SLC2A11: variants seen among roughly 807,000 people sequenced by gnomAD.
The protein encoded by SLC2A11 is solute carrier family 2, facilitated glucose transporter member 11.
SLC2A11 carries 43 observed loss-of-function variants against 52.1 expected under a neutral mutation model. The ratio of observed to expected loss-of-function variants is 0.82; its 90% CI spans 0.65 to 1.06. SLC2A11 has a LOEUF of 1.06. Among genes scored for constraint, SLC2A11 ranks in the 50% least tolerant of loss-of-function variants. The pLI, the probability that SLC2A11 is intolerant of heterozygous loss-of-function variation, is 0.00. For missense variants in SLC2A11, 582 were observed against 654.2 expected (o/e 0.89, Z 1.20); for synonymous variants, 261 against 277.6 (o/e 0.94, Z 0.59).
chr22:23,859,697 C>T (rs2031983254), intron 1 of SLC2A11, among the ~76,000 whole-genome samples: 1 of 152,192 alleles, frequency 6.6e-6, no homozygotes, highest in Non-Finnish European at 1.5e-5. Flanking sequence ...CCATGTTGGC[C>T]AGGCTGGTCT....
At chr22:23,863,356 T>G (rs947690257) in intron 2 of SLC2A11, among the ~76,000 whole-genome samples, 2 of 152,206 alleles carry the variant, frequency 1.3e-5, no homozygotes, top group Admixed American at 6.5e-5. Context: ...CTGAGTCATC[T>G]TTGAATCTCT....
chr22:23,858,315 A>G (rs998654800), intron 1 of SLC2A11, among the ~76,000 whole-genome samples: 3 of 152,140 alleles, frequency 2.0e-5, no homozygotes, highest in Non-Finnish European at 4.4e-5. Flanking sequence ...CAGAGGCAGT[A>G]AGCCCTCCGA....
At position 23,884,792 on chromosome 22, in the gene SLC2A11, G is replaced by A. The variant is rs2032946767; in HGVS notation, c.1443G>A (p.Arg481=). Residue 481 remains arginine (R), a synonymous_variant, in exon 12 of 12, where the codon AGG becomes AGA. Transcript: ENST00000316185. The surrounding 1 kb of genome is among the most constrained non-coding windows in gnomAD (Gnocchi z 4.3). ...SKELHRLNFP[R]RAQGPTWRSL... ...AATTACACAGACTCAACTTCCCCAG[G>A]CGGGCCCAGGGCCCCACGTGGAGGA... The A allele has an allele frequency of 6.2e-7, 1 of 1,614,010 alleles. No homozygotes were observed. Among genetic ancestry groups the A allele is most frequent in the African/African-American group, 1.3e-5 (1 of 74,896 alleles).
intron 3 of SLC2A11, chr22:23,873,376 AATTTATTTATT>A (rs2032521134): frequency 6.7e-6 from 1 of 148,284 alleles, no homozygotes; most frequent in South Asian, 2.1e-4. Context: ...CAAGACCTTG[AATTTATTTATT>A]ATTTATTTAT....
At chr22:23,876,900 G>C (rs995758643) in intron 4 of SLC2A11, 142 bp from the exon 5 acceptor site, 4 of 1,303,712 alleles carry the variant, frequency 3.1e-6, no homozygotes, top group East Asian at 2.3e-5. Flanking sequence ...CCCTGAGTGT[G>C]GGGGGTGAGG....
chr22:23,875,384 G>A (rs2032585832), intron 4 of SLC2A11, 143 bp downstream of exon 4: 1 of 1,029,478 alleles, frequency 9.7e-7, no homozygotes, highest in Non-Finnish European at 1.3e-6. Context: ...TGTCACAAAA[G>A]GATGTAGTAT....
At chr22:23,876,899 TG>T in intron 4 of SLC2A11, 142 bp from the exon 5 acceptor site, 6 of 1,300,800 alleles carry the variant, frequency 4.6e-6, no homozygotes, top group Admixed American at 1.9e-5. Flanking sequence ...CCCCTGAGTG[TG>T]GGGGGTGAGG....
chr22:23,867,926 G>C, intron 2 of SLC2A11: 1 of 331,872 alleles, frequency 3.0e-6, no homozygotes, highest in Non-Finnish European at 6.3e-6. Context: ...CCTGAGTTTC[G>C]TGAGCCATTG....
rs902578472 is a variant in SLC2A11, at chr22:23,861,993, A to G, written c.31-111A>G. 5 of 877,766 alleles carry G rather than the reference A, an allele frequency of 5.7e-6. No homozygotes were observed. In the African/African-American group the frequency reaches 6.6e-5, roughly 12 times the overall value. The allele number at this position is 877,766 out of a possible 1,614,324, so 54.4% of individuals were successfully genotyped here. A position where few individuals can be genotyped will look rare whatever the true frequency, so the allele number is the denominator to read the frequency against. On this transcript the variant is annotated intron_variant, in intron 1 of 11. Transcript: ENST00000316185. The stretch of plus-strand genomic sequence containing the variant: ...CTCACTTTCCTCATCTGCAAAGTGG[A>G]GACATCACTGCCTGATTCAAATAAA...
intron 3 of SLC2A11, 37 bp from the exon 4 acceptor site, chr22:23,875,080 C>A: frequency 6.6e-7 from 1 of 1,513,990 alleles, no homozygotes; most frequent in South Asian, 1.3e-5. Flanking sequence ...TGGACTGAAT[C>A]ACAGCCTCTC....
intron 5 of SLC2A11, chr22:23,877,510 G>A (rs939946504): frequency 7.7e-6 from 6 of 780,102 alleles, no homozygotes; most frequent in South Asian, 5.9e-5. Flanking sequence ...GGGAAGAGGA[G>A]TTGCTAGGGA....
Position 23,880,338 on chromosome 22 carries a change from C to G in SLC2A11, c.695-2121C>G, listed in dbSNP as rs1490697889. 2.0e-5 allele frequency: 3 copies of G among 150,800 alleles called. No individual in the cohort carries two copies. In the East Asian group the frequency reaches 5.9e-4, roughly 29 times the overall value. The allele number at this position is 150,800 out of a possible 1,614,324, so 9.3% of individuals were successfully genotyped here. ...TCTTTATATTTCAAATTGTCCTGGT[C>G]TTTTTTTTGTCCAAACTGGCAGAGC... On this transcript the variant is annotated intron_variant, in intron 6 of 11. Transcript: ENST00000316185.
rs1267018069 is a variant in SLC2A11 at position 23,884,844 on chromosome 22, C to G, written c.1495C>G (p.Leu499Val). The change falls in exon 12 of 12, where the codon CTC becomes GTC. Residue 499 changes from leucine to valine, a missense_variant. Transcript: ENST00000316185. This position sits in a 1 kb window ranked among gnomAD's most constrained non-coding sequence, Gnocchi z 4.3. ...CCTGGAGGTTATCCAGTCAACAGAA[C>G]TCTAGTCCCAAAGGGGTGGCCAGAG... ...RSLEVIQSTE[L>V] 6.2e-7 allele frequency: 1 copy of G among 1,613,942 alleles called. No individual in the cohort carries two copies. The highest frequency in any genetic ancestry group is 1.3e-5 in the African/African-American group (1 of 74,904).
intron 6 of SLC2A11, 42 bp downstream of exon 6, chr22:23,877,911 G>C: frequency 6.3e-7 from 1 of 1,577,482 alleles, no homozygotes; most frequent in Middle Eastern, 1.7e-4. Context: ...CCTTGACCAA[G>C]GGATGCATCT....
rs562100323 is a variant in SLC2A11 at position 23,877,822 on chromosome 22, C to T, written c.647C>T (p.Pro216Leu). ...LASLPLLPES[P>L]RYLLIDCGDT... Reference sequence around the variant, plus strand: ...TCCCTGCCTCTGCTCCCTGAAAGCCCGCGCTACCTCCTCATTGACTGTGGA... The same window carrying T: ...TCCCTGCCTCTGCTCCCTGAAAGCCTGCGCTACCTCCTCATTGACTGTGGA... Residue 216 changes from proline to leucine, a missense_variant, in exon 6 of 12, where the codon CCG (proline) becomes CTG (leucine). Pro to Leu is a moderately conservative substitution (Grantham distance 98, BLOSUM62 -3). Transcript: ENST00000316185. The T allele has an allele frequency of 2.3e-5, 37 of 1,613,462 alleles. No individual in the cohort carries two copies. The highest frequency in any genetic ancestry group is 1.7e-4 in the Middle Eastern group (1 of 6,060).
chr22:23,868,734 A>C, intron 3 of SLC2A11, 93 bp downstream of exon 3: 1 of 1,481,860 alleles, frequency 6.7e-7, no homozygotes, highest in Non-Finnish European at 9.2e-7. Context: ...GAGGCCCGGC[A>C]AGCTCCAGGC....
chr22:23,880,634 G>A (rs570364388), intron 6 of SLC2A11: 1 of 152,310 alleles, frequency 6.6e-6, no homozygotes, highest in South Asian at 2.1e-4. Context: ...CTTCCTGGCA[G>A]TGCTCTGGAT....
At chr22:23,864,175 G>A (rs533554562) in intron 2 of SLC2A11, among the ~76,000 whole-genome samples, 32 of 152,266 alleles carry the variant, frequency 2.1e-4, no homozygotes, top group African/African-American at 7.5e-4. Context: ...AAGGGCTGTA[G>A]TTGACCATCG....
At chr22:23,865,627 A>G (rs2032235266) in intron 2 of SLC2A11, 1 of 152,268 alleles carries the variant, frequency 6.6e-6, no homozygotes, top group African/African-American at 2.4e-5. Flanking sequence ...CACAATGACT[A>G]AGAGGATCAT....
Sources: allele counts gnomAD v4.1 joint callset (sites outside exome capture counted in the v4.1 genomes callset), GRCh38; gene constraint gnomAD v4.1.1; non-coding constraint Gnocchi (gnomAD v3.1); transcripts MANE v1.5; gene names NCBI Gene and HGNC (gene_info 2026-07-23, HGNC 2026-07-21).